The following CHRM3 variants were observed in gnomAD, a reference collection of about 807,000 sequenced individuals.
CHRM3 encodes cholinergic receptor muscarinic 3, also known as muscarinic acetylcholine receptor M3.
CHRM3 carries 11 observed loss-of-function variants against 41.8 expected under a neutral mutation model. The observed-to-expected ratio is 0.26, with a 90% CI of 0.17 to 0.44. The LOEUF (loss-of-function observed/expected upper bound fraction) is 0.44. Among genes scored for constraint, CHRM3 ranks in the 20% least tolerant of loss-of-function variants. The pLI is 1.00. For missense variants in CHRM3, 571 were observed against 745.4 expected (o/e 0.77, Z 2.72); for synonymous variants, 297 against 301.4 (o/e 0.99, Z 0.15).
intron 4 of CHRM3, among the ~76,000 whole-genome samples, chr1:239,647,107 A>G (rs924960698): frequency 3.3e-5 from 5 of 152,174 alleles, no homozygotes; most frequent in African/African-American, 1.2e-4. Flanking sequence ...TGTTTGATTT[A>G]TAAAGAAAAC....
chr1:239,506,760 G>A (rs964841887), intron 2 of CHRM3, among the ~76,000 whole-genome samples: 1 of 152,144 alleles, frequency 6.6e-6, no homozygotes, highest in Admixed American at 6.5e-5. Context: ...GACACTCAAT[G>A]CCAGCCCATG....
rs748142959 is a variant in CHRM3 at position 239,557,644 on chromosome 1, G to A, written c.-313+11895G>A. 2.6e-5 allele frequency among the ~76,000 whole-genome samples: 4 copies of A among 151,924 alleles called. No homozygotes were observed. In the South Asian group the frequency reaches 6.2e-4, roughly 24 times the overall value. ...TATTGTTCTCCCCCACCGCTCCACC[G>A]TCCCCCAACAGGACCCAGTGTGTGT... On this transcript the variant is annotated intron_variant, in intron 3 of 6. Coordinates refer to ENST00000676153, the MANE Select transcript of CHRM3 (RefSeq NM_001375978.1).
intron 1 of CHRM3, among the ~76,000 whole-genome samples, chr1:239,431,963 G>T (rs1191358513): frequency 1.3e-5 from 2 of 152,062 alleles, no homozygotes; most frequent in East Asian, 1.9e-4. Flanking sequence ...TATAGAGTAG[G>T]AACCAGGCTC....
chr1:239,784,927 C>A (rs1050059627), intron 5 of CHRM3, among the ~76,000 whole-genome samples: 5 of 152,128 alleles, frequency 3.3e-5, no homozygotes, highest in African/African-American at 9.7e-5. Flanking sequence ...CTTTTTAGTT[C>A]TTTCATTTCT....
intron 6 of CHRM3, among the ~76,000 whole-genome samples, chr1:239,864,575 T>C (rs1675934567): frequency 6.6e-6 from 1 of 151,770 alleles, no homozygotes; most frequent in African/African-American, 2.4e-5. Flanking sequence ...CATATATACA[T>C]ATATATGTAT....
At chr1:239,669,562 C>G (rs1040912939) in intron 4 of CHRM3, among the ~76,000 whole-genome samples, 1 of 152,124 alleles carries the variant, frequency 6.6e-6, no homozygotes, top group Non-Finnish European at 1.5e-5. Flanking sequence ...TCTTGACCTA[C>G]ACGTGTCACC....
intron 4 of CHRM3, among the ~76,000 whole-genome samples, chr1:239,637,637 C>T (rs908969494): frequency 3.5e-4 from 53 of 149,958 alleles, no homozygotes; most frequent in African/African-American, 1.3e-3. Context: ...CAAGGTCAAC[C>T]CCACACAACA....
intron 5 of CHRM3, among the ~76,000 whole-genome samples, chr1:239,687,276 TA>T (rs1659235978): frequency 6.6e-6 from 1 of 152,168 alleles, no homozygotes; most frequent in Non-Finnish European, 1.5e-5. Context: ...TAACTCATTT[TA>T]ATGGCAGCCC....
rs1680543037 is a variant in CHRM3 at position 239,914,555 on chromosome 1, A to G, written c.*5331A>G. 1 of 167,106 alleles carries G rather than the reference A, an allele frequency of 6.0e-6. No individual in the cohort carries two copies. The highest frequency in any genetic ancestry group is 1.5e-5 in the Non-Finnish European group (1 of 68,118). 10.4% of individuals were successfully genotyped at this position (167,106 alleles called of 1,614,324 possible). On this transcript the variant is annotated 3_prime_UTR_variant, in exon 7 of 7. Transcript: ENST00000676153. Reference sequence around the variant, plus strand: ...TTTAGAGTCCAAAGAGGAAAAAGAAAATTAACTCTGTTTTTTATCCCTAGA... The same window carrying G: ...TTTAGAGTCCAAAGAGGAAAAAGAAGATTAACTCTGTTTTTTATCCCTAGA...
At chr1:239,836,545 A>T (rs1426928786) in intron 6 of CHRM3, among the ~76,000 whole-genome samples, 1 of 152,144 alleles carries the variant, frequency 6.6e-6, no homozygotes, top group Non-Finnish European at 1.5e-5. Flanking sequence ...AGAAATGCGG[A>T]AGCCAAGTTC....
At chr1:239,652,959 A>G (rs539319281) in intron 4 of CHRM3, among the ~76,000 whole-genome samples, 3 of 152,372 alleles carry the variant, frequency 2.0e-5, no homozygotes, top group South Asian at 4.1e-4. Context: ...GTGTTGATAT[A>G]TATCATTTAT....
rs147315411 is a variant in CHRM3 at position 239,734,137 on chromosome 1, G to A, written c.-147+55849G>A. Among the ~76,000 whole-genome samples the A allele has an allele frequency of 1.3e-3, 203 of 152,144 alleles. 1 individual carries two copies. The highest frequency in any genetic ancestry group is 2.5e-3 in the Non-Finnish European group (172 of 67,998). ...CAGGCAACCAACCTAATAGCAATGA[G>A]CACTTACTTCAAGCATTCACATGTA... On this transcript the variant is annotated intron_variant, in intron 5 of 6. Coordinates refer to ENST00000676153, the MANE Select transcript of CHRM3 (RefSeq NM_001375978.1).
At position 239,502,982 on chromosome 1, in the gene CHRM3, C is replaced by T. The variant is rs563325858; in HGVS notation, c.-422+10175C>T. Among the ~76,000 whole-genome samples, 27 of 152,246 alleles carry T rather than the reference C, an allele frequency of 1.8e-4. No homozygotes were observed. The South Asian group carries it at 3.1e-3, about 18-fold the overall frequency. On this transcript the variant is annotated intron_variant, in intron 2 of 6. Coordinates refer to ENST00000676153, the MANE Select transcript of CHRM3 (RefSeq NM_001375978.1). Reference sequence around the variant, plus strand: ...TGAATGGGAAAAAGTTGAAAGCATTCCCTCTGAAAACTGGAACAAGACAGG... The same window carrying T: ...TGAATGGGAAAAAGTTGAAAGCATTTCCTCTGAAAACTGGAACAAGACAGG...
intron 1 of CHRM3, among the ~76,000 whole-genome samples, chr1:239,484,243 T>A (rs1667046215): frequency 6.6e-6 from 1 of 152,168 alleles, no homozygotes; most frequent in East Asian, 1.9e-4. Flanking sequence ...ACAGTCATGA[T>A]GGAAGGTGAA....
chr1:239,813,868 G>A (rs1267419636), intron 5 of CHRM3, among the ~76,000 whole-genome samples: 1 of 131,638 alleles, frequency 7.6e-6, no homozygotes, highest in Admixed American at 8.0e-5. Context: ...AGTGAGCCGA[G>A]ATCCCGCCAC....
At chr1:239,703,373 G>T (rs1275300574) in intron 5 of CHRM3, 1 of 152,148 alleles carries the variant, frequency 6.6e-6, no homozygotes, top group Non-Finnish European at 1.5e-5. Context: ...AAACATAAAA[G>T]ATTAATGTTA....
chr1:239,708,745 T>G (rs1204638433), intron 5 of CHRM3, among the ~76,000 whole-genome samples: 3 of 138,924 alleles, frequency 2.2e-5, no homozygotes, highest in South Asian at 4.9e-4. Context: ...TCTTTTTTTT[T>G]TTTTTTTTTT....
intron 3 of CHRM3, among the ~76,000 whole-genome samples, chr1:239,617,313 G>GT (rs1667741154): frequency 6.6e-6 from 1 of 152,132 alleles, no homozygotes; most frequent in Admixed American, 6.5e-5. Flanking sequence ...AGGAAATGTT[G>GT]TAACCGTCTA....
At chr1:239,528,956 C>T (rs1269483791) in intron 2 of CHRM3, among the ~76,000 whole-genome samples, 1 of 152,014 alleles carries the variant, frequency 6.6e-6, no homozygotes, top group African/African-American at 2.4e-5. Flanking sequence ...TATTTTTTTC[C>T]AGAATAACCC....
Sources: allele counts gnomAD v4.1 joint callset (sites outside exome capture counted in the v4.1 genomes callset), GRCh38; gene constraint gnomAD v4.1.1; transcripts MANE v1.5; gene names NCBI Gene and HGNC (gene_info 2026-07-23, HGNC 2026-07-21).